The following RAB11A variants were observed in gnomAD, a reference collection of about 807,000 sequenced individuals.
RAB11A encodes ras-related protein Rab-11A.
RAB11A carries 9 observed loss-of-function variants against 28.0 expected under a neutral mutation model. The observed-to-expected ratio is 0.32, with a 90% CI of 0.19 to 0.56. The LOEUF (loss-of-function observed/expected upper bound fraction) is 0.56, where lower values mean the gene tolerates loss of function less well. RAB11A is among the 20% of genes least tolerant of loss of function. RAB11A has a pLI of 0.91. For synonymous variants in RAB11A, 85 were observed against 88.2 expected (o/e 0.96, Z 0.20); for missense variants, 108 against 269.6 (o/e 0.40, Z 4.20).
Position 65,879,742 on chromosome 15 carries a change from A to C in RAB11A, c.502A>C (p.Ile168Leu). Residue 168 changes from isoleucine (I) to leucine (L), a missense_variant, in exon 4 of 5, where the codon ATT (isoleucine) becomes CTT (leucine). Around this residue, in one of 2 missense-constraint regions of RAB11A, gnomAD observed 85 missense variants for 145.9 expected, o/e 0.58. Transcript: ENST00000261890. ...STNVEAAFQT[I>L]LTEIYRIVSQ... is the part of the protein sequence containing the mutation. Reference sequence around the variant, plus strand: ...AAATGTAGAAGCTGCTTTTCAGACAATTTTAACAGGTAAGACTTGTATTTT... The same window carrying C: ...AAATGTAGAAGCTGCTTTTCAGACACTTTTAACAGGTAAGACTTGTATTTT... The C allele has an allele frequency of 6.4e-7, 1 of 1,571,768 alleles. No homozygotes were observed. Among genetic ancestry groups the C allele is most frequent in the Non-Finnish European group, 8.8e-7 (1 of 1,142,408 alleles).
intron 3 of RAB11A, chr15:65,878,164 A>G (rs1438914656): frequency 3.2e-6 from 2 of 634,712 alleles, no homozygotes; most frequent in South Asian, 1.7e-5. Context: ...GAATATAAAC[A>G]TTGTATATTC....
In RAB11A at chr15:65,889,334, G is replaced by C. The variant is rs1466878588; in HGVS notation, c.*1494G>C. The stretch of plus-strand genomic sequence containing the variant: ...ATTATTTTAGTGTATTAGTTATGAA[G>C]ATAATATTATCTATTTGTAAATTGC... On this transcript the variant is annotated 3_prime_UTR_variant, in exon 5 of 5. Coordinates refer to ENST00000261890, the MANE Select transcript of RAB11A (RefSeq NM_004663.5). 2 of 152,174 alleles carry C rather than the reference G, an allele frequency of 1.3e-5. No individual in the cohort carries two copies. The highest frequency in any genetic ancestry group is 4.8e-5 in the African/African-American group (2 of 41,436). The allele number at this position is 152,174 out of a possible 1,614,324, so 9.4% of individuals were successfully genotyped here. A position where few individuals can be genotyped will look rare whatever the true frequency, so the allele number is the denominator to read the frequency against.
intron 3 of RAB11A, 71 bp from the exon 4 acceptor site, chr15:65,879,600 T>A (rs1426966103): frequency 2.0e-5 from 24 of 1,188,314 alleles, no homozygotes; most frequent in Non-Finnish European, 2.8e-5. Context: ...ATTTTTCCTT[T>A]TGAGGGCTTG....
At chr15:65,879,406 G>A (rs556858250) in intron 3 of RAB11A, among the ~76,000 whole-genome samples, 14 of 151,578 alleles carry the variant, frequency 9.2e-5, no homozygotes, top group African/African-American at 3.4e-4. Context: ...AGCATTTTGG[G>A]AGATGGAGGC....
At chr15:65,870,608 A>C (rs1302043606) in intron 1 of RAB11A, among the ~76,000 whole-genome samples, 1 of 152,202 alleles carries the variant, frequency 6.6e-6, no homozygotes, top group African/African-American at 2.4e-5. Flanking sequence ...GCGCTGCACA[A>C]ATACTAGCTT....
At chr15:65,879,340 G>A (rs539291979) in intron 3 of RAB11A, among the ~76,000 whole-genome samples, 2 of 151,638 alleles carry the variant, frequency 1.3e-5, no homozygotes, top group African/African-American at 2.4e-5. Context: ...ATCTATTAAA[G>A]TGTAAATATT....
In RAB11A at chr15:65,869,541, A is replaced by G. The variant is rs1329257889; in HGVS notation, c.-45A>G. 2.5e-6 allele frequency: 4 copies of G among 1,603,152 alleles called. No homozygotes were observed. The highest frequency in any genetic ancestry group is 1.7e-5 in the Admixed American group (1 of 59,632). ...CCCTGCAGCGACGCCCCCTGGTCCC[A>G]CAGATACCACTGCTGCTCCCGCCCT... On this transcript the variant is annotated 5_prime_UTR_variant, in exon 1 of 5. Transcript: ENST00000261890.
rs1396986291 is a variant in RAB11A at position 65,891,805 on chromosome 15, CTG to C, written c.*3967_*3968del. ...TTCAGAACATTTATTTGCAAAATGA[CTG>C]TCAATATCAACAATATGCATCAAAG... On this transcript the variant is annotated 3_prime_UTR_variant, in exon 5 of 5. Transcript: ENST00000261890. 3 of 152,016 alleles carry C rather than the reference CTG, an allele frequency of 2.0e-5. No individual in the cohort carries two copies. The highest frequency in any genetic ancestry group is 4.4e-5 in the Non-Finnish European group (3 of 67,988). 9.4% of individuals were successfully genotyped at this position (152,016 alleles called of 1,614,324 possible).
chr15:65,885,781 A>T (rs2078252579), intron 4 of RAB11A, among the ~76,000 whole-genome samples: 1 of 152,248 alleles, frequency 6.6e-6, no homozygotes, highest in African/African-American at 2.4e-5. Context: ...AAGGCATACG[A>T]AATTTATTAA....
intron 1 of RAB11A, among the ~76,000 whole-genome samples, chr15:65,871,050 C>G (rs745538050): frequency 1.3e-5 from 2 of 152,106 alleles, no homozygotes; most frequent in Non-Finnish European, 2.9e-5. Flanking sequence ...GAAGCCATTG[C>G]TATTAAAGCT....
chr15:65,879,777 C>G lies in RAB11A; in HGVS notation c.511+26C>G, dbSNP rs778627573. 9.5e-6 allele frequency: 14 copies of G among 1,478,820 alleles called. No homozygotes were observed. The Middle Eastern group carries it at 1.0e-3, about 110-fold the overall frequency. The allele number at this position is 1,478,820 out of a possible 1,614,324, so 91.6% of individuals were successfully genotyped here. A position where few individuals can be genotyped will look rare whatever the true frequency, so the allele number is the denominator to read the frequency against. ...GTAAGACTTGTATTTTCAGATTACA[C>G]CAGTAGGACTAGAAGTTTTAGGAAG... is the stretch of plus-strand genomic sequence containing the variant. On this transcript the variant is annotated intron_variant, in intron 4 of 4. Coordinates refer to ENST00000261890, the MANE Select transcript of RAB11A (RefSeq NM_004663.5).
Position 65,890,371 on chromosome 15 carries a change from A to C in RAB11A, c.*2531A>C, listed in dbSNP as rs2078284130. ...CGTGCCTGGCCTTGAATTTTTTTTTAACCTGTTATATAGTCTCCTGAATAG... is the reference window on the plus strand; with the variant it reads ...CGTGCCTGGCCTTGAATTTTTTTTTCACCTGTTATATAGTCTCCTGAATAG... On this transcript the variant is annotated 3_prime_UTR_variant, in exon 5 of 5. Coordinates refer to ENST00000261890, the MANE Select transcript of RAB11A (RefSeq NM_004663.5). 6.6e-6 allele frequency: 1 copy of C among 151,838 alleles called. No individual in the cohort carries two copies. 9.4% of individuals were successfully genotyped at this position (151,838 alleles called of 1,614,324 possible). A position where few individuals can be genotyped will look rare whatever the true frequency, so the allele number is the denominator to read the frequency against.
At chr15:65,872,545 C>A (rs1440004369) in intron 1 of RAB11A, among the ~76,000 whole-genome samples, 2 of 151,526 alleles carry the variant, frequency 1.3e-5, no homozygotes, top group African/African-American at 4.9e-5. Context: ...AGCGATTTTC[C>A]TGCCTCAGTC....
At chr15:65,881,877 TAAAAAAAA>T (rs57352123) in intron 4 of RAB11A, among the ~76,000 whole-genome samples, 2 of 86,380 alleles carry the variant, frequency 2.3e-5, no homozygotes, top group Non-Finnish European at 4.7e-5. Context: ...ACCCTGTCTC[TAAAAAAAA>T]AAAAAAAAAA....
chr15:65,873,143 A>G (rs2078172988), intron 1 of RAB11A, among the ~76,000 whole-genome samples: 1 of 152,204 alleles, frequency 6.6e-6, no homozygotes, highest in Non-Finnish European at 1.5e-5. Flanking sequence ...TTTTGGTGGG[A>G]GGGAATTAGT....
rs1324821460 is a variant in RAB11A, at chr15:65,877,469, A to G, written c.178A>G (p.Ile60Val). 2 of 1,614,084 alleles carry G rather than the reference A, an allele frequency of 1.2e-6. No individual in the cohort carries two copies. The highest frequency in any genetic ancestry group is 1.7e-6 in the Non-Finnish European group (2 of 1,180,024). ...AAGCATCCAGGTTGATGGAAAAACA[A>G]TAAAGGCACAGATATGGGACACAGC... ...TRSIQVDGKTIKAQIWDTAGQ... is the reference protein window; with the variant it reads ...TRSIQVDGKTVKAQIWDTAGQ... Residue 60 changes from isoleucine (I) to valine (V), a missense_variant, in exon 2 of 5, where the codon ATA becomes GTA. This residue lies in a region of RAB11A where 23 missense variants were observed against 123.7 expected (regional missense o/e 0.19). Coordinates refer to ENST00000261890, the MANE Select transcript of RAB11A (RefSeq NM_004663.5). The surrounding 1 kb of genome is among the most constrained non-coding windows in gnomAD (Gnocchi z 4.1).
chr15:65,870,969 C>T (rs2078157101), intron 1 of RAB11A, among the ~76,000 whole-genome samples: 1 of 152,080 alleles, frequency 6.6e-6, no homozygotes. Flanking sequence ...CTCTGATGCT[C>T]TTTCTCTGCT....
intron 4 of RAB11A, among the ~76,000 whole-genome samples, chr15:65,886,025 G>A (rs114796914): frequency 1.7e-3 from 260 of 152,342 alleles, no homozygotes; most frequent in African/African-American, 5.7e-3. Context: ...ATCTTACAGG[G>A]AGGGGAAGAA....
Position 65,887,597 on chromosome 15 carries a change from C to T in RAB11A, c.512-104C>T, listed in dbSNP as rs141687996. The T allele has an allele frequency of 4.5e-4, 513 of 1,147,964 alleles. No homozygotes were observed. In the East Asian group the frequency reaches 0.014, roughly 31 times the overall value. 71.1% of individuals were successfully genotyped at this position (1,147,964 alleles called of 1,614,324 possible). Reference sequence around the variant, plus strand: ...ATTTATGTATTCTCTGTTCAGTTTCCTTAGGGACTTTGATGCAAATATATC... The same window carrying T: ...ATTTATGTATTCTCTGTTCAGTTTCTTTAGGGACTTTGATGCAAATATATC... On this transcript the variant is annotated intron_variant, in intron 4 of 4. Transcript: ENST00000261890.
Sources: allele counts gnomAD v4.1 joint callset (sites outside exome capture counted in the v4.1 genomes callset), GRCh38; gene constraint gnomAD v4.1.1; regional missense constraint gnomAD v4.1.1; non-coding constraint Gnocchi (gnomAD v3.1); transcripts MANE v1.5; gene names NCBI Gene and HGNC (gene_info 2026-07-23, HGNC 2026-07-21).